FUT8: variants seen among roughly 807,000 people sequenced by gnomAD.
The protein encoded by FUT8 is alpha-(1,6)-fucosyltransferase.
Under a neutral mutation model 71.3 loss-of-function variants are expected in FUT8, and 29 were observed. The observed-to-expected ratio is 0.41, with a 90% CI of 0.30 to 0.55. FUT8 has a LOEUF of 0.55. FUT8 is among the 20% of genes least tolerant of loss of function. The pLI is 0.34. For missense variants in FUT8, 544 were observed against 702.1 expected, an observed-to-expected ratio of 0.77 and a Z score of 2.55; for synonymous variants, 254 against 239.3, an observed-to-expected ratio of 1.06 and a Z score of -0.57.
chr14:65,536,878 G>A (rs535782059), intron 2 of FUT8, among the ~76,000 whole-genome samples: 11 of 152,122 alleles, frequency 7.2e-5, no homozygotes, highest in Non-Finnish European at 1.0e-4. Flanking sequence ...TTTCTTTCAA[G>A]GATGCCGATG....
chr14:65,534,615 C>G (rs1448309584), intron 2 of FUT8, among the ~76,000 whole-genome samples: 1 of 134,476 alleles, frequency 7.4e-6, no homozygotes, highest in East Asian at 2.2e-4. Context: ...CATTATTGGT[C>G]TGTTCAGGGA....
At chr14:65,389,476 T>C in the FUT8 span, among the ~76,000 whole-genome samples, 1 of 151,920 alleles carries the variant, frequency 6.6e-6, no homozygotes, top group Non-Finnish European at 1.5e-5. Context: ...CAAGCCCGGC[T>C]AATTTTTCGT....
At chr14:65,362,237 C>T in the FUT8 span, among the ~76,000 whole-genome samples, 67,059 of 152,120 alleles carry the variant, frequency 0.44, 17,553 homozygotes, top group Non-Finnish European at 0.6. Flanking sequence ...GAAATAGTCC[C>T]TGTCAACAAT....
chr14:65,732,045 A>G (rs1896009038), intron 9 of FUT8, among the ~76,000 whole-genome samples: 1 of 152,324 alleles, frequency 6.6e-6, no homozygotes, highest in South Asian at 2.1e-4. Context: ...GCAGCTTCCC[A>G]AGAATCACAT....
intron 6 of FUT8, among the ~76,000 whole-genome samples, chr14:65,665,214 G>A (rs1252662052): frequency 2.0e-5 from 3 of 152,184 alleles, no homozygotes; most frequent in Admixed American, 6.5e-5. Flanking sequence ...AGTAGATTTG[G>A]TTGTAATATA....
At chr14:65,675,283 T>G (rs1273771935) in intron 7 of FUT8, among the ~76,000 whole-genome samples, 1 of 152,238 alleles carries the variant, frequency 6.6e-6, no homozygotes, top group Non-Finnish European at 1.5e-5. Flanking sequence ...CTGTAAGTGC[T>G]TCTCAGATTG....
chr14:65,432,046 G>A (rs1180117355), intron 1 of FUT8, among the ~76,000 whole-genome samples: 1 of 152,100 alleles, frequency 6.6e-6, no homozygotes, highest in African/African-American at 2.4e-5. Context: ...GTGACCTTCT[G>A]AATTGCCAAA....
In FUT8 at chr14:65,524,421, T is replaced by A. The variant is rs565617292; in HGVS notation, c.-227-36916T>A. Reference sequence around the variant, plus strand: ...ATGCTTGTGATTTTTGCACATTGATTTTGTATCCTGAGACTTTGCTGAAGT... The same window carrying A: ...ATGCTTGTGATTTTTGCACATTGATATTGTATCCTGAGACTTTGCTGAAGT... On this transcript the variant is annotated intron_variant, in intron 2 of 10. Transcript: ENST00000673929. 6.4e-3 allele frequency among the ~76,000 whole-genome samples: 978 copies of A among 152,290 alleles called. 10 individuals are homozygous for A. The highest frequency in any genetic ancestry group is 8.2e-3 in the Non-Finnish European group (559 of 68,020).
At chr14:65,695,993 A>C (rs544701026) in intron 7 of FUT8, among the ~76,000 whole-genome samples, 178 of 152,212 alleles carry the variant, frequency 1.2e-3, no homozygotes, top group African/African-American at 3.9e-3. Context: ...ATATCCCTTC[A>C]TGGGATATAT....
intron 2 of FUT8, among the ~76,000 whole-genome samples, chr14:65,501,967 G>C (rs1304498498): frequency 1.3e-5 from 2 of 150,864 alleles, no homozygotes; most frequent in Non-Finnish European, 3.0e-5. Flanking sequence ...CTGGAATATA[G>C]TGGTGTAATC....
At chr14:65,440,850 G>A (rs1010603687) in intron 1 of FUT8, among the ~76,000 whole-genome samples, 1 of 152,202 alleles carries the variant, frequency 6.6e-6, no homozygotes, top group African/African-American at 2.4e-5. Flanking sequence ...TTAGGGAAAA[G>A]CTAAAGCATA....
At chr14:65,670,390 G>A (rs528124328) in intron 7 of FUT8, among the ~76,000 whole-genome samples, 1 of 152,210 alleles carries the variant, frequency 6.6e-6, no homozygotes, top group African/African-American at 2.4e-5. Flanking sequence ...AATAATATAT[G>A]TAATGCACTT....
chr14:65,395,632 A>G, the FUT8 span, among the ~76,000 whole-genome samples: 3 of 152,230 alleles, frequency 2.0e-5, no homozygotes. Context: ...GGCTGCACAC[A>G]GCAAGGGGTC....
At chr14:65,565,410 T>C (rs536615039) in intron 3 of FUT8, among the ~76,000 whole-genome samples, 23 of 151,962 alleles carry the variant, frequency 1.5e-4, no homozygotes, top group African/African-American at 5.5e-4. Flanking sequence ...CATTCACCAA[T>C]TGAAGAATGT....
At chr14:65,506,618 G>C (rs1404427582) in intron 2 of FUT8, among the ~76,000 whole-genome samples, 1 of 152,060 alleles carries the variant, frequency 6.6e-6, no homozygotes, top group Non-Finnish European at 1.5e-5. Context: ...ACTACTTATT[G>C]ATTTTTTTAA....
At chr14:65,553,405 A>G (rs1250411215) in intron 2 of FUT8, among the ~76,000 whole-genome samples, 1 of 152,102 alleles carries the variant, frequency 6.6e-6, no homozygotes, top group Non-Finnish European at 1.5e-5. Context: ...CCAGTGATAC[A>G]TTATTGCCAT....
rs1890934837 is a variant in FUT8, at chr14:65,643,440, G to T, written c.597+13834G>T. Among the ~76,000 whole-genome samples, 1 of 152,066 alleles carries T rather than the reference G, an allele frequency of 6.6e-6. No homozygotes were observed. The highest frequency in any genetic ancestry group is 6.5e-5 in the Admixed American group (1 of 15,268). ...GAGGCCGAGGCAGGCGGGTCACGAG[G>T]TCAGGAGATCGAGACCATCCTGGCT... On this transcript the variant is annotated intron_variant, in intron 6 of 10. Coordinates refer to ENST00000673929, the MANE Select transcript of FUT8 (RefSeq NM_001371533.1). This position sits in a 1 kb window ranked among gnomAD's most constrained non-coding sequence, Gnocchi z 4.5.
intron 3 of FUT8, among the ~76,000 whole-genome samples, chr14:65,571,423 A>T (rs1886471216): frequency 6.6e-6 from 1 of 152,142 alleles, no homozygotes; most frequent in African/African-American, 2.4e-5. Flanking sequence ...ACTTCAGATG[A>T]TCCATAGTTT....
At position 65,669,025 on chromosome 14, in the gene FUT8, C is replaced by T. The variant is rs1429105098; in HGVS notation, c.598-218C>T. ...AGAGAATAGTAGACACTGGGGCCTACTTGAGGGTGAAAGGTGGGAGGAGGG... is the reference window on the plus strand; with the variant it reads ...AGAGAATAGTAGACACTGGGGCCTATTTGAGGGTGAAAGGTGGGAGGAGGG... On this transcript the variant is annotated intron_variant, in intron 6 of 10. Transcript: ENST00000673929. This position sits in a 1 kb window ranked among gnomAD's most constrained non-coding sequence, Gnocchi z 4.5. 6.6e-6 allele frequency among the ~76,000 whole-genome samples: 1 copy of T among 151,976 alleles called. No homozygotes were observed. The highest frequency in any genetic ancestry group is 2.4e-5 in the African/African-American group (1 of 41,384).
Sources: allele counts gnomAD v4.1 joint callset (sites outside exome capture counted in the v4.1 genomes callset), GRCh38; gene constraint gnomAD v4.1.1; non-coding constraint Gnocchi (gnomAD v3.1); transcripts MANE v1.5; gene names NCBI Gene and HGNC (gene_info 2026-07-23, HGNC 2026-07-21).